ATP10B: variants seen among roughly 807,000 people sequenced by gnomAD.
ATP10B encodes the protein ATPase phospholipid transporting 10B (putative).
A neutral mutation model predicts 141.2 loss-of-function variants in ATP10B; 122 were observed. The observed-to-expected ratio is 0.86, with a 90% confidence interval of 0.75 to 1.00. The LOEUF is 1.00. Ranked by LOEUF, ATP10B falls within the 50% of genes least tolerant of loss-of-function variation. ATP10B has a pLI of 0.00. For synonymous variants in ATP10B, 685 were observed against 692.0 expected, an observed-to-expected ratio of 0.99 and a Z score of 0.16; for missense variants, 1,876 against 1,825.3, an observed-to-expected ratio of 1.03 and a Z score of -0.51.
At chr5:160,801,652 A>T (rs1772374578) in intron 1 of ATP10B, among the ~76,000 whole-genome samples, 2 of 152,136 alleles carry the variant, frequency 1.3e-5, no homozygotes, top group Non-Finnish European at 2.9e-5. Flanking sequence ...TCTCCCCCAA[A>T]TCAGGTATCC....
intron 6 of ATP10B, among the ~76,000 whole-genome samples, chr5:160,676,061 C>A (rs531099661): frequency 1.3e-5 from 2 of 152,202 alleles, no homozygotes; most frequent in East Asian, 3.9e-4. Context: ...ATTAATGGGA[C>A]CTCATTCATA....
chr5:160,697,427 T>C (rs1451758794), intron 3 of ATP10B, among the ~76,000 whole-genome samples: 1 of 152,218 alleles, frequency 6.6e-6, no homozygotes, highest in Non-Finnish European at 1.5e-5. Context: ...ATATAGCTGC[T>C]TGTATGGAAT....
intron 1 of ATP10B, among the ~76,000 whole-genome samples, chr5:160,802,620 G>A (rs988394858): frequency 5.3e-5 from 8 of 152,198 alleles, no homozygotes; most frequent in African/African-American, 1.7e-4. Flanking sequence ...TGCATGGTAA[G>A]GGACACTGCT....
chr5:160,772,436 T>C (rs993780585), intron 2 of ATP10B, among the ~76,000 whole-genome samples: 3 of 152,222 alleles, frequency 2.0e-5, no homozygotes, highest in African/African-American at 7.2e-5. Flanking sequence ...CTGTGATACC[T>C]GGACTGTGGT....
intron 1 of ATP10B, among the ~76,000 whole-genome samples, chr5:160,795,090 T>C (rs1771846170): frequency 1.3e-5 from 2 of 152,324 alleles, no homozygotes; most frequent in Admixed American, 6.5e-5. Context: ...TGGAGGTCCA[T>C]GATAAATGGA....
intron 7 of ATP10B, among the ~76,000 whole-genome samples, chr5:160,663,368 A>G (rs751778276): frequency 1.3e-5 from 2 of 152,344 alleles, no homozygotes; most frequent in Middle Eastern, 6.8e-3. Flanking sequence ...TATTCACAAT[A>G]GCAAAGACTT....
the ATP10B span, among the ~76,000 whole-genome samples, chr5:160,917,093 A>G: frequency 4.6e-5 from 7 of 152,028 alleles, no homozygotes; most frequent in African/African-American, 1.2e-4. Context: ...GCTCTATAGC[A>G]TCTCTTCTAC....
chr5:160,706,013 G>A (rs920407789), intron 3 of ATP10B, among the ~76,000 whole-genome samples: 15 of 152,154 alleles, frequency 9.9e-5, no homozygotes, highest in African/African-American at 1.4e-4. Context: ...GGAGGCCCAC[G>A]AAGAGGGAGA....
chr5:160,904,080 C>T, the ATP10B span, among the ~76,000 whole-genome samples: 1 of 152,044 alleles, frequency 6.6e-6, no homozygotes, highest in African/African-American at 2.4e-5. Flanking sequence ...CCTGTACTAC[C>T]CTGCTCCCCT....
intron 24 of ATP10B, among the ~76,000 whole-genome samples, chr5:160,573,041 T>G (rs1335077790): frequency 6.6e-6 from 1 of 152,240 alleles, no homozygotes; most frequent in Non-Finnish European, 1.5e-5. Context: ...TATGTATCCT[T>G]CTAGTATGGG....
chr5:160,620,436 A>G lies in ATP10B; in HGVS notation c.2327T>C (p.Val776Ala). The change falls in exon 15 of 26, where the codon GTT becomes GCT. Residue 776 changes from valine to alanine, a missense_variant. Val to Ala is a moderately conservative substitution (Grantham distance 64). Coordinates refer to ENST00000327245, the MANE Select transcript of ATP10B (RefSeq NM_025153.3). ...CTCGCCAGTCAGTGGGTGCCTCACA[A>G]CCACAGACATTCTCTTCCTGACAGA... is the stretch of plus-strand genomic sequence containing the variant. The part of the protein sequence containing the change: ...FDSVRKRMSV[V>A]VRHPLTGEIV... The G allele has an allele frequency of 6.2e-7, 1 of 1,614,180 alleles. No homozygotes were observed. The highest frequency in any genetic ancestry group is 8.5e-7 in the Non-Finnish European group (1 of 1,180,008).
chr5:160,700,353 AT>A (rs1315489516), intron 3 of ATP10B, among the ~76,000 whole-genome samples: 2 of 152,194 alleles, frequency 1.3e-5, no homozygotes, highest in African/African-American at 4.8e-5. Flanking sequence ...AAATGGGAGA[AT>A]TGGACTAAGT....
At chr5:160,734,398 G>A (rs942880593) in intron 2 of ATP10B, among the ~76,000 whole-genome samples, 5 of 151,990 alleles carry the variant, frequency 3.3e-5, no homozygotes, top group African/African-American at 1.2e-4. Flanking sequence ...ATTACCTTCT[G>A]GGGGTTTTTA....
chr5:160,888,860 A>C, the ATP10B span, among the ~76,000 whole-genome samples: 1 of 152,210 alleles, frequency 6.6e-6, no homozygotes, highest in African/African-American at 2.4e-5. Flanking sequence ...TATTTTTGAG[A>C]TATAGATGTT....
intron 2 of ATP10B, among the ~76,000 whole-genome samples, chr5:160,732,039 G>A (rs1766781241): frequency 1.3e-5 from 2 of 151,976 alleles, no homozygotes; most frequent in South Asian, 2.1e-4. Flanking sequence ...ATTAACTCAG[G>A]CCAATACAAA....
intron 2 of ATP10B, among the ~76,000 whole-genome samples, chr5:160,757,276 A>G (rs920711630): frequency 6.6e-6 from 1 of 152,126 alleles, no homozygotes; most frequent in Non-Finnish European, 1.5e-5. Context: ...CTTCTGTTCT[A>G]TTGATCTATA....
chr5:160,886,038 C>T, the ATP10B span, among the ~76,000 whole-genome samples: 5 of 152,060 alleles, frequency 3.3e-5, no homozygotes, highest in African/African-American at 1.2e-4. Flanking sequence ...TGAAAATCAC[C>T]GAAGAATCAG....
chr5:160,638,386 C>A (rs143517334), intron 10 of ATP10B, among the ~76,000 whole-genome samples: 1 of 152,072 alleles, frequency 6.6e-6, no homozygotes, highest in Non-Finnish European at 1.5e-5. Context: ...GTCTTTTTCA[C>A]GCTGATATGC....
intron 25 of ATP10B, among the ~76,000 whole-genome samples, chr5:160,566,688 G>C (rs1561608504): frequency 6.6e-6 from 1 of 152,116 alleles, no homozygotes; most frequent in African/African-American, 2.4e-5. Flanking sequence ...GCAAGGAAAG[G>C]GGTGAGAATG....
Sources: gnomAD v4.1 joint callset for allele counts (sites outside exome capture counted in the v4.1 genomes callset) on GRCh38, gnomAD v4.1.1 for gene constraint, MANE v1.5 for transcripts, NCBI Gene and HGNC (gene_info 2026-07-23, HGNC 2026-07-21) for gene names.